EFHD1: variants seen among roughly 807,000 people sequenced by gnomAD.
The protein encoded by EFHD1 is EF-hand domain-containing protein D1.
In EFHD1, 10 loss-of-function variants were observed where a neutral mutation model predicts 17.2. The observed-to-expected ratio is 0.58, with a 90% CI of 0.36 to 0.99. The LOEUF is 0.99. Ranked by LOEUF, EFHD1 falls within the 50% of genes least tolerant of loss-of-function variation. The pLI is 0.01. For synonymous variants in EFHD1, 153 were observed against 142.0 expected, an observed-to-expected ratio of 1.08 and a Z score of -0.55; for missense variants, 310 against 327.5, an observed-to-expected ratio of 0.95 and a Z score of 0.41.
chr2:232,640,984 C>G (rs1694421154), intron 1 of EFHD1, among the ~76,000 whole-genome samples: 1 of 152,064 alleles, frequency 6.6e-6, no homozygotes, highest in Admixed American at 6.6e-5. Flanking sequence ...AGTGAGGGCT[C>G]AAGGAAAGGA....
intron 1 of EFHD1, among the ~76,000 whole-genome samples, chr2:232,654,964 T>G (rs1694733354): frequency 6.6e-6 from 1 of 152,172 alleles, no homozygotes; most frequent in Non-Finnish European, 1.5e-5. Flanking sequence ...CGCTGCTGTC[T>G]CCTTACACCC....
intron 1 of EFHD1, among the ~76,000 whole-genome samples, chr2:232,615,094 A>G (rs1269955430): frequency 6.6e-5 from 10 of 152,100 alleles, no homozygotes; most frequent in Admixed American, 6.6e-4. Context: ...GGCTCAAGCA[A>G]TCCTCCCACC....
At position 232,627,844 on chromosome 2, in the gene EFHD1, T is replaced by C. The variant is rs192045367; in HGVS notation, c.14+21671T>C. 3.4e-3 allele frequency among the ~76,000 whole-genome samples: 517 copies of C among 152,328 alleles called. 2 individuals carry two copies. Among genetic ancestry groups the C allele is most frequent in the Non-Finnish European group, 6.1e-3 (413 of 68,016 alleles). On this transcript the variant is annotated intron_variant, in intron 1 of 3. Transcript: ENST00000409613. ...AAGATTTATGGAGATATAATTCACT[T>C]ATCATAAAACTCATCCTTTTTTTGT...
chr2:232,679,875 A>T (rs946533637), intron 3 of EFHD1, among the ~76,000 whole-genome samples: 1 of 152,188 alleles, frequency 6.6e-6, no homozygotes. Flanking sequence ...AACATTAATG[A>T]TAACCTTGGC....
At chr2:232,654,638 G>A (rs182061889) in intron 1 of EFHD1, among the ~76,000 whole-genome samples, 3 of 151,986 alleles carry the variant, frequency 2.0e-5, no homozygotes, top group African/African-American at 7.3e-5. Context: ...ATGTTGGCCA[G>A]GCTGGTCTTG....
At chr2:232,631,379 C>T (rs1694198619), upstream of EFHD1, among the ~76,000 whole-genome samples, 1 of 151,930 alleles carries the variant, frequency 6.6e-6, no homozygotes, top group Non-Finnish European at 1.5e-5. Flanking sequence ...TGGCTCACTG[C>T]AGCCTCCACC....
intron 1 of EFHD1, among the ~76,000 whole-genome samples, chr2:232,636,597 A>G (rs536148607): frequency 2.4e-4 from 37 of 152,170 alleles, no homozygotes; most frequent in African/African-American, 8.4e-4. Flanking sequence ...AGGCTGAGGC[A>G]GGCGGATCAT....
intron 1 of EFHD1, among the ~76,000 whole-genome samples, chr2:232,607,364 G>C (rs1225036689): frequency 6.6e-6 from 1 of 151,410 alleles, no homozygotes; most frequent in Non-Finnish European, 1.5e-5. Context: ...GGCGGGTGGG[G>C]ATCACCTGAG....
chr2:232,675,187 A>AAAAGAG (rs34795309), intron 3 of EFHD1, among the ~76,000 whole-genome samples: 3 of 146,874 alleles, frequency 2.0e-5, no homozygotes, highest in Non-Finnish European at 4.5e-5. Flanking sequence ...AAAGAAAAAA[A>AAAAGAG]AGAGAGAGAG....
intron 3 of EFHD1, among the ~76,000 whole-genome samples, chr2:232,677,274 T>C (rs79422395): frequency 1.1e-4 from 15 of 141,436 alleles, no homozygotes; most frequent in East Asian, 4.6e-4. Context: ...AACACACACA[T>C]ACACACACAC....
At chr2:232,622,676 G>A (rs1030365966) in intron 1 of EFHD1, among the ~76,000 whole-genome samples, 7 of 152,118 alleles carry the variant, frequency 4.6e-5, no homozygotes, top group African/African-American at 7.2e-5. Context: ...AGAGCCGCTC[G>A]GTGGTGGGAC....
At chr2:232,628,243 T>C (rs1402941786) in intron 1 of EFHD1, among the ~76,000 whole-genome samples, 2 of 152,102 alleles carry the variant, frequency 1.3e-5, no homozygotes, top group African/African-American at 4.8e-5. Context: ...GTATGTTTAG[T>C]AGAGACGGGG....
intron 2 of EFHD1, among the ~76,000 whole-genome samples, chr2:232,666,376 G>A (rs1476084027): frequency 1.3e-5 from 2 of 152,216 alleles, no homozygotes; most frequent in Admixed American, 6.5e-5. Flanking sequence ...TTTCCAGCCC[G>A]AATACCCCTG....
chr2:232,614,049 C>CACATACATACACATGCACACACAT (rs1345445161), intron 1 of EFHD1, among the ~76,000 whole-genome samples: 3 of 101,800 alleles, frequency 2.9e-5, no homozygotes, highest in African/African-American at 9.5e-5. Context: ...CACAAACACA[C>CACATACATACACATGCACACACAT]ACATACATAC....
intron 1 of EFHD1, among the ~76,000 whole-genome samples, chr2:232,653,777 C>G (rs1416156757): frequency 6.6e-6 from 1 of 152,174 alleles, no homozygotes; most frequent in Non-Finnish European, 1.5e-5. Flanking sequence ...TCACTTTATT[C>G]CTGTACCCAG....
chr2:232,662,262 G>A (rs1412561542), intron 1 of EFHD1, among the ~76,000 whole-genome samples: 2 of 152,110 alleles, frequency 1.3e-5, no homozygotes, highest in Non-Finnish European at 2.9e-5. Context: ...GCGAACCAGA[G>A]GGGAATCATG....
intron 3 of EFHD1, among the ~76,000 whole-genome samples, chr2:232,673,380 C>A (rs1695114207): frequency 6.6e-6 from 1 of 152,144 alleles, no homozygotes. Flanking sequence ...CAAGGTGATA[C>A]GTGCTCTAGT....
chr2:232,670,661 T>TAA (rs34259524), intron 2 of EFHD1, among the ~76,000 whole-genome samples: 5 of 147,614 alleles, frequency 3.4e-5, no homozygotes, highest in East Asian at 2.0e-4. Context: ...TTTACATGGT[T>TAA]AAAAAAAAAA....
chr2:232,665,330 C>T (rs962405542), intron 2 of EFHD1, among the ~76,000 whole-genome samples: 1 of 152,182 alleles, frequency 6.6e-6, no homozygotes, highest in Non-Finnish European at 1.5e-5. Context: ...GCAAGGATGC[C>T]ACCCCACAGG....
Sources: allele counts gnomAD v4.1 joint callset (sites outside exome capture counted in the v4.1 genomes callset), GRCh38; gene constraint gnomAD v4.1.1; transcripts MANE v1.5; gene names NCBI Gene and HGNC (gene_info 2026-07-23, HGNC 2026-07-21).